PARD3B: variants seen among roughly 807,000 people sequenced by gnomAD.
PARD3B encodes par-3 family cell polarity regulator beta.
PARD3B carries 103 observed loss-of-function variants against 130.2 expected under a neutral mutation model. The observed-to-expected ratio is 0.79, with a 90% CI of 0.67 to 0.93. The LOEUF (loss-of-function observed/expected upper bound fraction) is 0.93. PARD3B is among the 40% of genes least tolerant of loss of function. The pLI, the probability that PARD3B is intolerant of heterozygous loss-of-function variation, is 0.00. For missense variants in PARD3B, 1,609 were observed against 1,499.2 expected (o/e 1.07, Z -1.21); for synonymous variants, 583 against 553.2 (o/e 1.05, Z -0.76).
intron 10 of PARD3B, among the ~76,000 whole-genome samples, chr2:205,129,084 G>A (rs957164390): frequency 6.6e-5 from 10 of 152,182 alleles, no homozygotes; most frequent in Admixed American, 6.5e-4. Context: ...GAGGGTATAT[G>A]CTTAGTATTC....
At chr2:204,634,776 T>C (rs191284504) in intron 1 of PARD3B, among the ~76,000 whole-genome samples, 2 of 152,296 alleles carry the variant, frequency 1.3e-5, no homozygotes, top group African/African-American at 2.4e-5. Flanking sequence ...ATAGTTTTTT[T>C]CCCCTGCGAT....
At chr2:205,505,624 T>C (rs1400799795) in intron 21 of PARD3B, among the ~76,000 whole-genome samples, 1 of 152,230 alleles carries the variant, frequency 6.6e-6, no homozygotes, top group Non-Finnish European at 1.5e-5. Flanking sequence ...GAAGTGTTAA[T>C]ATTTGCCAGA....
chr2:205,609,661 C>G (rs2055157087), intron 22 of PARD3B, among the ~76,000 whole-genome samples: 1 of 152,184 alleles, frequency 6.6e-6, no homozygotes, highest in Non-Finnish European at 1.5e-5. Flanking sequence ...GTGAAAAACC[C>G]AATGCATATG....
intron 1 of PARD3B, among the ~76,000 whole-genome samples, chr2:204,650,729 A>G (rs184579021): frequency 8.5e-4 from 130 of 152,294 alleles, no homozygotes; most frequent in Admixed American, 3.7e-3. Context: ...TCACATTGCT[A>G]TGAAGAACTA....
intron 12 of PARD3B, 51 bp downstream of exon 12, chr2:205,172,432 A>G (rs1232316935): frequency 6.4e-7 from 1 of 1,552,548 alleles, no homozygotes; most frequent in Admixed American, 1.8e-5. Context: ...TGCCACCAGA[A>G]TATGCAGACT....
In PARD3B at chr2:205,319,053, T is replaced by G. The variant is rs184934381; in HGVS notation, c.2630+17352T>G. On this transcript the variant is annotated intron_variant, in intron 18 of 22. Coordinates refer to ENST00000406610, the MANE Select transcript of PARD3B (RefSeq NM_001302769.2). ...TATCCTCTCACATATATGGCCTCAT[T>G]TTCAGGTTCCTCCTGGTCCTCTGTG... Among the ~76,000 whole-genome samples, 3 of 152,266 alleles carry G rather than the reference T, an allele frequency of 2.0e-5. No homozygotes were observed. In the East Asian group the frequency reaches 5.8e-4, roughly 29 times the overall value.
Position 204,606,551 on chromosome 2 carries a change from G to T in PARD3B, c.120+60432G>T, listed in dbSNP as rs938217789. ...CCCATGTTACTTCTGCTCACATTTC[G>T]TTGGCCACTTACATGGTCACACTGA... On this transcript the variant is annotated intron_variant, in intron 1 of 22. Coordinates refer to ENST00000406610, the MANE Select transcript of PARD3B (RefSeq NM_001302769.2). This position sits in a 1 kb window ranked among gnomAD's most constrained non-coding sequence, Gnocchi z 4.0. 6.6e-6 allele frequency among the ~76,000 whole-genome samples: 1 copy of T among 152,076 alleles called. No individual in the cohort carries two copies. The highest frequency in any genetic ancestry group is 1.5e-5 in the Non-Finnish European group (1 of 68,016).
chr2:204,615,099 C>T lies in PARD3B; in HGVS notation c.120+68980C>T, dbSNP rs372754286. Among the ~76,000 whole-genome samples the T allele has an allele frequency of 2.8e-4, 42 of 152,122 alleles. No homozygotes were observed. The South Asian group carries it at 5.4e-3, about 20-fold the overall frequency. On this transcript the variant is annotated intron_variant, in intron 1 of 22. Transcript: ENST00000406610. ...AGTTAGATCTTCATATCTGCTTTAG[C>T]GTTCAATCTTTTTTTAATATGTTAT... is the stretch of plus-strand genomic sequence containing the variant.
At chr2:204,936,305 A>G (rs1186671087) in intron 2 of PARD3B, among the ~76,000 whole-genome samples, 2 of 152,240 alleles carry the variant, frequency 1.3e-5, no homozygotes, top group Admixed American at 1.3e-4. Flanking sequence ...TTGAGTAAGA[A>G]GGATTCTTCA....
intron 18 of PARD3B, among the ~76,000 whole-genome samples, chr2:205,386,094 A>G (rs1416191911): frequency 6.6e-6 from 1 of 152,164 alleles, no homozygotes; most frequent in African/African-American, 2.4e-5. Flanking sequence ...TAGATCTGCA[A>G]TTCTGCGATA....
chr2:204,927,163 T>C (rs1259719337), intron 2 of PARD3B, among the ~76,000 whole-genome samples: 1 of 152,154 alleles, frequency 6.6e-6, no homozygotes, highest in Non-Finnish European at 1.5e-5. Context: ...GAAGATGTAA[T>C]AGGACTAATG....
chr2:205,431,794 GT>G (rs535428840), intron 19 of PARD3B, among the ~76,000 whole-genome samples: 5 of 151,998 alleles, frequency 3.3e-5, no homozygotes, highest in Non-Finnish European at 7.4e-5. Context: ...ATGTGATCAT[GT>G]TTAGATTATT....
intron 19 of PARD3B, among the ~76,000 whole-genome samples, chr2:205,415,924 T>C (rs1285851743): frequency 6.6e-6 from 1 of 152,162 alleles, no homozygotes; most frequent in African/African-American, 2.4e-5. Context: ...TGTAGTATGT[T>C]TTTACAACTT....
chr2:204,566,081 T>G (rs568431564), intron 1 of PARD3B, among the ~76,000 whole-genome samples: 1 of 152,350 alleles, frequency 6.6e-6, no homozygotes, highest in Admixed American at 6.5e-5. Context: ...CCATTCAAGC[T>G]AAGGCATCAG....
chr2:205,060,147 A>G (rs1699981496), intron 4 of PARD3B, among the ~76,000 whole-genome samples: 1 of 152,016 alleles, frequency 6.6e-6, no homozygotes, highest in African/African-American at 2.4e-5. Flanking sequence ...ATTTGTCCAC[A>G]TTATGCTGCC....
Position 205,405,892 on chromosome 2 carries a change from A to G in PARD3B, c.2741+4769A>G, listed in dbSNP as rs1203860553. On this transcript the variant is annotated intron_variant, in intron 19 of 22. Coordinates refer to ENST00000406610, the MANE Select transcript of PARD3B (RefSeq NM_001302769.2). The surrounding 1 kb of genome is among the most constrained non-coding windows in gnomAD (Gnocchi z 4.1). ...ATTTGCCTGATGGTTTTAGTTGAGC[A>G]TAAGTTTAGCATGAGTCAACATGTG... Among the ~76,000 whole-genome samples, 1 of 152,238 alleles carries G rather than the reference A, an allele frequency of 6.6e-6. No homozygotes were observed.
chr2:205,071,748 C>T (rs1433140524), intron 4 of PARD3B, among the ~76,000 whole-genome samples: 2 of 152,118 alleles, frequency 1.3e-5, no homozygotes, highest in Admixed American at 6.5e-5. Context: ...CAGAGATACA[C>T]ACATAGTAAT....
intron 12 of PARD3B, 26 bp downstream of exon 12, chr2:205,172,407 G>T: frequency 6.2e-7 from 1 of 1,601,596 alleles, no homozygotes; most frequent in Non-Finnish European, 8.5e-7. Flanking sequence ...ATTCTCCTCA[G>T]CCAGTTGCCC....
intron 1 of PARD3B, among the ~76,000 whole-genome samples, chr2:204,597,424 A>C (rs2033345166): frequency 6.6e-6 from 1 of 152,194 alleles, no homozygotes; most frequent in Non-Finnish European, 1.5e-5. Context: ...TTGCCTGTCC[A>C]GGTAATGTGA....
Sources: gnomAD v4.1 joint callset for allele counts (sites outside exome capture counted in the v4.1 genomes callset) on GRCh38, gnomAD v4.1.1 for gene constraint, Gnocchi (gnomAD v3.1) non-coding constraint, MANE v1.5 for transcripts, NCBI Gene and HGNC (gene_info 2026-07-23, HGNC 2026-07-21) for gene names.